The following RIBC2 variants were observed in gnomAD, a reference collection of about 807,000 sequenced individuals.
RIBC2 encodes the protein RIB43A-like with coiled-coils protein 2.
Under a neutral mutation model 44.3 loss-of-function variants are expected in RIBC2, and 40 were observed. That is an observed-to-expected ratio of 0.90 (90% CI 0.70 to 1.18). The LOEUF is 1.18. Ranked by LOEUF, RIBC2 falls within the 50% of genes most tolerant of loss-of-function variation. RIBC2 has a pLI of 0.00. For missense variants in RIBC2, 459 were observed against 485.5 expected (o/e 0.95, Z 0.51); for synonymous variants, 171 against 175.0 (o/e 0.98, Z 0.18).
intron 1 of RIBC2, 42 bp downstream of exon 1, chr22:45,414,057 C>T (rs1377864807): frequency 1.3e-5 from 20 of 1,546,244 alleles, no homozygotes; most frequent in Admixed American, 3.9e-5. Flanking sequence ...GCGGCAGATG[C>T]GGGCGAGGGG....
chr22:45,423,815 C>A (rs557559827), intron 4 of RIBC2, among the ~76,000 whole-genome samples: 3 of 152,212 alleles, frequency 2.0e-5, no homozygotes, highest in Non-Finnish European at 2.9e-5. Context: ...TTACAGAGGG[C>A]GACCAAAGAG....
intron 5 of RIBC2, among the ~76,000 whole-genome samples, chr22:45,428,869 G>A (rs943532935): frequency 6.6e-6 from 1 of 152,160 alleles, no homozygotes; most frequent in Non-Finnish European, 1.5e-5. Context: ...TCACCCCAGA[G>A]AGCACTGTCA....
chr22:45,424,331 G>A (rs544656211), intron 4 of RIBC2, among the ~76,000 whole-genome samples: 7 of 152,210 alleles, frequency 4.6e-5, no homozygotes, highest in Non-Finnish European at 8.8e-5. Context: ...GGCTCATTTC[G>A]TCAGAGAGGC....
At chr22:45,418,632 G>T (rs181271865) in intron 3 of RIBC2, among the ~76,000 whole-genome samples, 1 of 152,152 alleles carries the variant, frequency 6.6e-6, no homozygotes, top group Non-Finnish European at 1.5e-5. Flanking sequence ...GTGTGTCAGC[G>T]GGTGATGGAA....
In RIBC2 at chr22:45,417,679, A is replaced by G; in HGVS notation, c.289A>G (p.Arg97Gly). 4.3e-6 allele frequency: 7 copies of G among 1,614,212 alleles called. No individual in the cohort carries two copies. Among genetic ancestry groups the G allele is most frequent in the Non-Finnish European group, 5.9e-6 (7 of 1,180,034 alleles). Residue 97 changes from arginine to glycine, a missense_variant, in exon 3 of 7, where the codon AGG (arginine) becomes GGG (glycine). Arg to Gly is a moderately radical substitution (Grantham distance 125). Transcript: ENST00000614167. ...AAAGAGGGATAGGAAAAATCTCTGT[A>G]GGGCTATCAATGACTTCCAACAGAG... ...RKKRDRKNLC[R>G]AINDFQQSFQ...
chr22:45,419,800 G>A (rs1298611851), intron 3 of RIBC2, among the ~76,000 whole-genome samples: 1 of 152,060 alleles, frequency 6.6e-6, no homozygotes, highest in Non-Finnish European at 1.5e-5. Flanking sequence ...GCTGAGGCGG[G>A]CAGATCACGA....
At chr22:45,431,329 G>C (rs2087578760) in intron 6 of RIBC2, among the ~76,000 whole-genome samples, 1 of 152,048 alleles carries the variant, frequency 6.6e-6, no homozygotes, top group Non-Finnish European at 1.5e-5. Flanking sequence ...AGTCAGGAAG[G>C]CTTCCTGGAG....
intron 2 of RIBC2, among the ~76,000 whole-genome samples, chr22:45,416,654 G>T (rs1018943583): frequency 6.6e-6 from 1 of 151,914 alleles, no homozygotes; most frequent in Non-Finnish European, 1.5e-5. Flanking sequence ...TAGAGACGGG[G>T]TTTCACCATC....
intron 5 of RIBC2, 62 bp from the exon 6 acceptor site, chr22:45,430,838 A>T (rs1043384800): frequency 4.7e-5 from 69 of 1,461,262 alleles, no homozygotes; most frequent in Non-Finnish European, 6.1e-5. Flanking sequence ...CCTCCTAGAT[A>T]ATCCCCTGGG....
chr22:45,432,456 C>G lies in RIBC2; in HGVS notation c.*94C>G, dbSNP rs2087589819. On this transcript the variant is annotated 3_prime_UTR_variant, in exon 7 of 7. Transcript: ENST00000614167. ...TTTTAAAGATACACTCCTTGGGCCA[C>G]AAGTACCCTTCAGCTGTAATCGTCC... is the stretch of plus-strand genomic sequence containing the variant. The G allele has an allele frequency of 2.6e-6, 2 of 767,632 alleles. No homozygotes were observed. Among genetic ancestry groups the G allele is most frequent in the South Asian group, 3.3e-5 (2 of 61,298 alleles). The allele number at this position is 767,632 out of a possible 1,614,324, so 47.6% of individuals were successfully genotyped here.
chr22:45,414,384 AG>A lies in RIBC2; in HGVS notation c.193del (p.Ala65LeufsTer10). On this transcript the variant is annotated frameshift_variant, in exon 2 of 7. Transcript: ENST00000614167. LOFTEE classifies it high-confidence loss of function. ...DQKIKEATEK[A>X]RHETFAAEMR... ...AGAAGATAAAAGAAGCTACTGAAAA[AG>A]CTAGACATGAAACCTTTGGTGAGCA... 1 of 1,550,988 alleles carries A rather than the reference AG, an allele frequency of 6.4e-7. No homozygotes were observed. Among genetic ancestry groups the A allele is most frequent in the East Asian group, 2.4e-5 (1 of 40,918 alleles).
intron 3 of RIBC2, among the ~76,000 whole-genome samples, chr22:45,421,318 T>C (rs1201758816): frequency 2.3e-5 from 2 of 88,794 alleles, no homozygotes; most frequent in Non-Finnish European, 3.8e-5. Flanking sequence ...CTATTATTAT[T>C]ATTAATACTA....
In RIBC2 at chr22:45,431,082, G is replaced by A. The variant is rs1396461331; in HGVS notation, c.1070+16G>A. On this transcript the variant is annotated intron_variant, in intron 6 of 6. Transcript: ENST00000614167. Reference sequence around the variant, plus strand: ...AGCATTTGCAGTGAGTGCTGGGTGGGACCAGGGCCAGGTGGGGGACCGGGT... The same window carrying A: ...AGCATTTGCAGTGAGTGCTGGGTGGAACCAGGGCCAGGTGGGGGACCGGGT... The A allele has an allele frequency of 7.7e-6, 12 of 1,562,710 alleles. No homozygotes were observed. Among genetic ancestry groups the A allele is most frequent in the Non-Finnish European group, 9.5e-6 (11 of 1,153,492 alleles).
chr22:45,418,035 G>GTTT lies in RIBC2; in HGVS notation c.556+102_556+104dup, dbSNP rs370540282. 707 of 439,982 alleles carry GTTT rather than the reference G, an allele frequency of 1.6e-3. 1 individual carries two copies. Among genetic ancestry groups the GTTT allele is most frequent in the South Asian group, 2.5e-3 (74 of 29,840 alleles). The allele number at this position is 439,982 out of a possible 1,614,324, so 27.3% of individuals were successfully genotyped here. A position where few individuals can be genotyped will look rare whatever the true frequency, so the allele number is the denominator to read the frequency against. ...TTTTTTTTTTTTAAGCAACCCTACA[G>GTTT]TTTTTTTTTTTTTTTAAGCAACCCT... On this transcript the variant is annotated intron_variant, in intron 3 of 6. Coordinates refer to ENST00000614167, the MANE Select transcript of RIBC2 (RefSeq NM_015653.5).
At chr22:45,429,082 GGA>G (rs1028814631) in intron 5 of RIBC2, among the ~76,000 whole-genome samples, 13 of 152,176 alleles carry the variant, frequency 8.5e-5, no homozygotes, top group African/African-American at 1.9e-4. Flanking sequence ...TCAGGGACTT[GGA>G]GAGAGAGTGG....
chr22:45,421,488 AATTATT>A (rs200416430), intron 3 of RIBC2, among the ~76,000 whole-genome samples: 45 of 139,002 alleles, frequency 3.2e-4, no homozygotes, highest in African/African-American at 7.4e-4. Flanking sequence ...ATGTCTAATT[AATTATT>A]ATTATTAATA....
Position 45,417,882 on chromosome 22 carries a change from C to T in RIBC2, c.492C>T (p.Asn164=), listed in dbSNP as rs2146875317. The change falls in exon 3 of 7, where the codon AAC becomes AAT. Residue 164 remains asparagine, a synonymous_variant. Coordinates refer to ENST00000614167, the MANE Select transcript of RIBC2 (RefSeq NM_015653.5). Reference sequence around the variant, plus strand: ...GGAAGAAATTCCAAGAGGAACAAAACAGAGAATGGTCTTTGCAGCAGCAAA... The same window carrying T: ...GGAAGAAATTCCAAGAGGAACAAAATAGAGAATGGTCTTTGCAGCAGCAAA... ...HERKKFQEEQ[N]REWSLQQQRE... 2 of 1,613,922 alleles carry T rather than the reference C, an allele frequency of 1.2e-6. No individual in the cohort carries two copies. Among genetic ancestry groups the T allele is most frequent in the East Asian group, 4.5e-5 (2 of 44,866 alleles).
At chr22:45,431,139 C>T (rs2087577077) in intron 6 of RIBC2, 73 bp downstream of exon 6, 10 of 1,508,338 alleles carry the variant, frequency 6.6e-6, no homozygotes, top group South Asian at 1.2e-5. Flanking sequence ...AGGTCAAGGA[C>T]GAGGAGGGGG....
At chr22:45,416,692 C>A (rs1228408897) in intron 2 of RIBC2, among the ~76,000 whole-genome samples, 3 of 151,974 alleles carry the variant, frequency 2.0e-5, no homozygotes, top group African/African-American at 7.3e-5. Context: ...TATCTCTTGA[C>A]CTTGTGATCC....
Sources: allele counts gnomAD v4.1 joint callset (sites outside exome capture counted in the v4.1 genomes callset), GRCh38; gene constraint gnomAD v4.1.1; transcripts MANE v1.5; gene names NCBI Gene and HGNC (gene_info 2026-07-23, HGNC 2026-07-21).